Variants in GRIN2A observed in about 807,000 individuals in gnomAD.
GRIN2A encodes glutamate ionotropic receptor NMDA type subunit 2A, also known as glutamate receptor ionotropic, NMDA 2A.
A neutral mutation model predicts 113.4 loss-of-function variants in GRIN2A; 22 were observed. The ratio of observed to expected loss-of-function variants is 0.19; its 90% CI spans 0.14 to 0.28. The LOEUF (loss-of-function observed/expected upper bound fraction) is 0.28, where lower values mean the gene tolerates loss of function less well. Among genes scored for constraint, GRIN2A ranks in the 10% least tolerant of loss-of-function variants. The pLI, the probability that GRIN2A is intolerant of heterozygous loss-of-function variation, is 1.00. For missense variants in GRIN2A, 1,502 were observed against 1,887.0 expected (o/e 0.80, Z 3.78); for synonymous variants, 827 against 738.4 (o/e 1.12, Z -1.94).
In GRIN2A at chr16:10,049,199, T is replaced by C. The variant is rs1050391884; in HGVS notation, c.415-110648A>G. Among the ~76,000 whole-genome samples the C allele has an allele frequency of 3.9e-5, 6 of 152,204 alleles. No individual in the cohort carries two copies. In the East Asian group the frequency reaches 9.6e-4, roughly 24 times the overall value. Reference sequence around the variant, plus strand: ...CCAGAAAGAACAGAGTTTTGTTTTATGGATGGTGAGATGACAATGAAGAGA... The same window carrying C: ...CCAGAAAGAACAGAGTTTTGTTTTACGGATGGTGAGATGACAATGAAGAGA... On this transcript the variant is annotated intron_variant, in intron 2 of 12. Coordinates refer to ENST00000330684, the MANE Select transcript of GRIN2A (RefSeq NM_001134407.3).
At chr16:10,164,924 A>T (rs1187484492) in intron 2 of GRIN2A, among the ~76,000 whole-genome samples, 2 of 152,258 alleles carry the variant, frequency 1.3e-5, no homozygotes, top group Non-Finnish European at 2.9e-5. Context: ...TTCAAGAGCC[A>T]GCCAGAGTTA....
chr16:9,935,258 C>T (rs1245607164), intron 3 of GRIN2A, among the ~76,000 whole-genome samples: 6 of 152,092 alleles, frequency 3.9e-5, no homozygotes, highest in African/African-American at 1.4e-4. Context: ...AATTCATTAG[C>T]CTCGTTTGTG....
chr16:9,933,737 T>C (rs1229765343), intron 3 of GRIN2A, among the ~76,000 whole-genome samples: 2 of 152,118 alleles, frequency 1.3e-5, no homozygotes, highest in African/African-American at 4.8e-5. Context: ...TATCTTACTA[T>C]AAAAAAACCT....
intron 10 of GRIN2A, among the ~76,000 whole-genome samples, chr16:9,803,208 C>A: frequency 6.6e-6 from 1 of 152,040 alleles, no homozygotes; most frequent in Non-Finnish European, 1.5e-5. Flanking sequence ...AGTTTGAGAC[C>A]AGCTTGACCA....
intron 2 of GRIN2A, among the ~76,000 whole-genome samples, chr16:10,061,692 A>G (rs933763988): frequency 1.3e-5 from 2 of 152,246 alleles, no homozygotes; most frequent in African/African-American, 2.4e-5. Flanking sequence ...TTAGAAGGTT[A>G]GTAGTGGCAA....
intron 2 of GRIN2A, among the ~76,000 whole-genome samples, chr16:9,973,804 T>C (rs1296213866): frequency 6.6e-6 from 1 of 152,138 alleles, no homozygotes; most frequent in Non-Finnish European, 1.5e-5. Flanking sequence ...AAACAAATTC[T>C]ATAATTAGTG....
In GRIN2A at chr16:9,862,706, A is replaced by T. The variant is rs987591336; in HGVS notation, c.1123-12745T>A. Among the ~76,000 whole-genome samples the T allele has an allele frequency of 2.6e-5, 4 of 152,182 alleles. No individual in the cohort carries two copies. The East Asian group carries it at 7.7e-4, about 29-fold the overall frequency. On this transcript the variant is annotated intron_variant, in intron 4 of 12. Coordinates refer to ENST00000330684, the MANE Select transcript of GRIN2A (RefSeq NM_001134407.3). ...GCTCTTAAAAGTGATGGGTTCTTGT[A>T]ATTAGCTAAAAAGTTAATAGTGTTT...
chr16:10,095,259 G>A (rs572637236), intron 2 of GRIN2A, among the ~76,000 whole-genome samples: 1 of 152,250 alleles, frequency 6.6e-6, no homozygotes, highest in South Asian at 2.1e-4. Flanking sequence ...AATTTTTGTT[G>A]TTTAAGACAC....
intron 11 of GRIN2A, among the ~76,000 whole-genome samples, chr16:9,773,106 G>C (rs1011408504): frequency 1.3e-5 from 2 of 152,250 alleles, no homozygotes; most frequent in Non-Finnish European, 2.9e-5. Flanking sequence ...ATCTCCTGGA[G>C]GGAGATCAGG....
intron 2 of GRIN2A, among the ~76,000 whole-genome samples, chr16:10,068,743 T>C (rs1391054237): frequency 2.6e-5 from 4 of 152,208 alleles, no homozygotes; most frequent in Non-Finnish European, 4.4e-5. Context: ...CTAAGGTTAG[T>C]GCCATGAGAG....
At chr16:9,879,765 G>A (rs1381339141) in intron 4 of GRIN2A, among the ~76,000 whole-genome samples, 1 of 152,190 alleles carries the variant, frequency 6.6e-6, no homozygotes, top group Non-Finnish European at 1.5e-5. Context: ...GAGGGTAATA[G>A]TTGTATCTGT....
At chr16:9,766,258 G>T (rs1414510138) in intron 12 of GRIN2A, among the ~76,000 whole-genome samples, 2 of 152,166 alleles carry the variant, frequency 1.3e-5, no homozygotes, top group Admixed American at 1.3e-4. Flanking sequence ...ATTAACTGTG[G>T]ACTCTGATAA....
rs144412906 is a variant in GRIN2A, at chr16:9,949,269, C to T, written c.415-10718G>A. On this transcript the variant is annotated intron_variant, in intron 2 of 12. Transcript: ENST00000330684. ...CTCCCAGTACATGGGGAGCTGAGAA[C>T]ACATTCAGTGAAGGTATAAGTAAGC... is the stretch of plus-strand genomic sequence containing the variant. Among the ~76,000 whole-genome samples the T allele has an allele frequency of 3.1e-3, 468 of 152,302 alleles. 4 individuals are homozygous for T. The highest frequency in any genetic ancestry group is 0.011 in the African/African-American group (444 of 41,550).
intron 2 of GRIN2A, among the ~76,000 whole-genome samples, chr16:10,168,485 C>T (rs2049969126): frequency 6.6e-6 from 1 of 152,092 alleles, no homozygotes; most frequent in Admixed American, 6.5e-5. Context: ...TAAGAAAGAG[C>T]CTCAGAGGTG....
chr16:10,167,999 C>A (rs1324841308), intron 2 of GRIN2A, among the ~76,000 whole-genome samples: 1 of 152,098 alleles, frequency 6.6e-6, no homozygotes, highest in Non-Finnish European at 1.5e-5. Flanking sequence ...CTTTAGAATA[C>A]AAACATATTA....
chr16:10,073,639 C>G (rs973529165), intron 2 of GRIN2A, among the ~76,000 whole-genome samples: 1 of 152,032 alleles, frequency 6.6e-6, no homozygotes, highest in Admixed American at 6.6e-5. Flanking sequence ...ATTAGACATC[C>G]TTCACCCTTT....
intron 2 of GRIN2A, among the ~76,000 whole-genome samples, chr16:9,995,200 G>A (rs1316806978): frequency 6.6e-6 from 1 of 152,152 alleles, no homozygotes; most frequent in Admixed American, 6.5e-5. Flanking sequence ...TGAATTATAA[G>A]AAATCAGCCC....
In GRIN2A at chr16:9,864,799, G is replaced by A. The variant is rs545784816; in HGVS notation, c.1123-14838C>T. ...GTGAGAGGTGAAATGTCTGGAACTTGGTAGCAGGTCTCTGATGGGCATTTG... is the reference window on the plus strand; with the variant it reads ...GTGAGAGGTGAAATGTCTGGAACTTAGTAGCAGGTCTCTGATGGGCATTTG... On this transcript the variant is annotated intron_variant, in intron 4 of 12. Transcript: ENST00000330684. 2.8e-3 allele frequency among the ~76,000 whole-genome samples: 423 copies of A among 152,240 alleles called. 1 individual carries two copies. Among genetic ancestry groups the A allele is most frequent in the African/African-American group, 8.6e-3 (356 of 41,536 alleles).
intron 2 of GRIN2A, among the ~76,000 whole-genome samples, chr16:10,024,350 G>C (rs1217867134): frequency 6.6e-6 from 1 of 152,248 alleles, no homozygotes; most frequent in South Asian, 2.1e-4. Context: ...AGCCTCCTGA[G>C]TAGCTGGGAT....
Sources: allele counts gnomAD v4.1 joint callset (sites outside exome capture counted in the v4.1 genomes callset), GRCh38; gene constraint gnomAD v4.1.1; transcripts MANE v1.5; gene names NCBI Gene and HGNC (gene_info 2026-07-23, HGNC 2026-07-21).